Variants in EXT2 observed in about 807,000 individuals in gnomAD.
EXT2 encodes the protein exostosin-2.
A neutral mutation model predicts 81.6 loss-of-function variants in EXT2; 53 were observed. The ratio of observed to expected loss-of-function variants is 0.65; its 90% confidence interval spans 0.52 to 0.82. The LOEUF (loss-of-function observed/expected upper bound fraction) is 0.82. EXT2 is among the 40% of genes least tolerant of loss of function. The pLI, the probability that EXT2 is intolerant of heterozygous loss-of-function variation, is 0.00. For missense variants in EXT2, 774 were observed against 910.2 expected (o/e 0.85, Z 1.93); for synonymous variants, 320 against 340.0 (o/e 0.94, Z 0.65).
At chr11:44,112,608 C>T (rs1954161223) in intron 3 of EXT2, among the ~76,000 whole-genome samples, 1 of 152,146 alleles carries the variant, frequency 6.6e-6, no homozygotes, top group Admixed American at 6.5e-5. Context: ...AGTAGCAGGG[C>T]TGGCATGAGG....
rs1954081996 is a variant in EXT2 at position 44,107,948 on chromosome 11, A to G, written c.236A>G (p.Glu79Gly). The G allele has an allele frequency of 5.0e-6, 8 of 1,614,198 alleles. No homozygotes were observed. The highest frequency in any genetic ancestry group is 6.8e-6 in the Non-Finnish European group (8 of 1,180,028). Residue 79 changes from glutamate to glycine, a missense_variant, in exon 2 of 14, where the codon GAG (glutamate) becomes GGG (glycine). This residue lies in a region of EXT2 where 626 missense variants were observed against 670.5 expected (regional missense o/e 0.93). Transcript: ENST00000533608. ...VRLPADSPIPERGDLSCRMHT... is the reference protein window; with the variant it reads ...VRLPADSPIPGRGDLSCRMHT... ...CTGCCAGCCGACAGTCCCATCCCAG[A>G]GCGGGGGGATCTCAGTTGCAGAATG... is the stretch of plus-strand genomic sequence containing the variant.
In EXT2 at chr11:44,181,322, A is replaced by T. The variant is rs867476713; in HGVS notation, c.1305+9580A>T. Among the ~76,000 whole-genome samples the T allele has an allele frequency of 1.4e-4, 22 of 152,326 alleles. No homozygotes were observed. The Middle Eastern group carries it at 0.01, about 71-fold the overall frequency. On this transcript the variant is annotated intron_variant, in intron 8 of 13. Coordinates refer to ENST00000533608, the MANE Select transcript of EXT2 (RefSeq NM_207122.2). ...TCCTTCCTGGCAAATTCTGTGTTCT[A>T]AAATTTTATGATGATACGCCCTGAC...
Position 44,238,428 on chromosome 11 carries a change from C to T in EXT2, c.2018+2053C>T, listed in dbSNP as rs188996000. On this transcript the variant is annotated intron_variant, in intron 13 of 13. Coordinates refer to ENST00000533608, the MANE Select transcript of EXT2 (RefSeq NM_207122.2). ...AACTCCTGGCCTCAAGGTATCCTCT[C>T]GCCTGGGGCTCCCAAAGTGCTGGGA... is the stretch of plus-strand genomic sequence containing the variant. Among the ~76,000 whole-genome samples, 84 of 152,238 alleles carry T rather than the reference C, an allele frequency of 5.5e-4. 1 individual carries two copies. The East Asian group carries it at 0.012, about 21-fold the overall frequency.
At chr11:44,221,977 A>T (rs1955786519) in intron 10 of EXT2, among the ~76,000 whole-genome samples, 1 of 152,240 alleles carries the variant, frequency 6.6e-6, no homozygotes, top group African/African-American at 2.4e-5. Context: ...CTGTGAAACA[A>T]GTCTCTAGAA....
At chr11:44,218,777 T>A (rs574871716) in intron 10 of EXT2, among the ~76,000 whole-genome samples, 1 of 150,238 alleles carries the variant, frequency 6.7e-6, no homozygotes, top group Non-Finnish European at 1.5e-5. Flanking sequence ...AGTAAGAGAT[T>A]ATAGAATCTG....
At chr11:44,221,781 A>G (rs974869338) in intron 10 of EXT2, among the ~76,000 whole-genome samples, 1 of 152,198 alleles carries the variant, frequency 6.6e-6, no homozygotes, top group Non-Finnish European at 1.5e-5. Context: ...AAGCTCTATC[A>G]TTTCTCCTGA....
In EXT2 at chr11:44,248,854, G is replaced by T. The variant is rs1956116836; in HGVS notation, c.*4567G>T. Among the ~76,000 whole-genome samples the T allele has an allele frequency of 6.6e-6, 1 of 152,202 alleles. No individual in the cohort carries two copies. Among genetic ancestry groups the T allele is most frequent in the East Asian group, 1.9e-4 (1 of 5,178 alleles). On this transcript the variant is annotated 3_prime_UTR_variant, in exon 14 of 14. Transcript: ENST00000533608. Reference sequence around the variant, plus strand: ...TGGGAAGATGACCAGAGAAAGTTTGGCCCCCTCTCCCAAGCTTCCAGGCCT... The same window carrying T: ...TGGGAAGATGACCAGAGAAAGTTTGTCCCCCTCTCCCAAGCTTCCAGGCCT...
chr11:44,129,715 T>G (rs946287937), intron 6 of EXT2, among the ~76,000 whole-genome samples: 9 of 152,226 alleles, frequency 5.9e-5, no homozygotes, highest in African/African-American at 2.2e-4. Context: ...GGATTTCACA[T>G]GCAAAGGCCC....
intron 7 of EXT2, among the ~76,000 whole-genome samples, chr11:44,157,969 A>C (rs999387494): frequency 6.6e-5 from 10 of 151,982 alleles, no homozygotes; most frequent in Non-Finnish European, 1.5e-5. Context: ...CCTTCTCTTC[A>C]AGGGAGCAAG....
intron 7 of EXT2, among the ~76,000 whole-genome samples, chr11:44,144,915 T>C (rs1030398310): frequency 2.0e-4 from 30 of 152,214 alleles, no homozygotes; most frequent in Admixed American, 1.9e-3. Flanking sequence ...CAAGCATCTT[T>C]GGTGTCTGGG....
chr11:44,109,982 G>T (rs1270223463), intron 3 of EXT2, among the ~76,000 whole-genome samples: 6 of 152,102 alleles, frequency 3.9e-5, no homozygotes, highest in African/African-American at 9.7e-5. Flanking sequence ...CTTAGTGCTG[G>T]GTTCAAGGCT....
At position 44,108,184 on chromosome 11, in the gene EXT2, G is replaced by T. The variant is rs768999889; in HGVS notation, c.472G>T (p.Asp158Tyr). ...NRACLFVPSI[D>Y]VLNQNTLRIK... Reference sequence around the variant, plus strand: ...GGCCTGTCTGTTTGTTCCCTCCATCGATGTGCTTAACCAGAACACACTGCG... The same window carrying T: ...GGCCTGTCTGTTTGTTCCCTCCATCTATGTGCTTAACCAGAACACACTGCG... Residue 158 changes from aspartate to tyrosine, a missense_variant, in exon 2 of 14, where the codon GAT becomes TAT. By Grantham distance (160) the Asp-to-Tyr change is radical (BLOSUM62 -3). This residue lies in a region of EXT2 where 626 missense variants were observed against 670.5 expected (regional missense o/e 0.93). Transcript: ENST00000533608. 2 of 1,613,822 alleles carry T rather than the reference G, an allele frequency of 1.2e-6. No homozygotes were observed. The highest frequency in any genetic ancestry group is 3.3e-5 in the Admixed American group (2 of 60,022).
At chr11:44,225,347 T>G (rs1008247996) in intron 10 of EXT2, among the ~76,000 whole-genome samples, 1 of 152,234 alleles carries the variant, frequency 6.6e-6, no homozygotes, top group East Asian at 1.9e-4. Flanking sequence ...CTCACTAGTT[T>G]GCTGCACAGC....
At chr11:44,165,121 G>A (rs894943494) in intron 7 of EXT2, among the ~76,000 whole-genome samples, 6 of 151,830 alleles carry the variant, frequency 4.0e-5, no homozygotes, top group South Asian at 2.1e-4. Context: ...CTCGTGATCC[G>A]CCCGCCTCGG....
chr11:44,213,193 AAAG>A (rs966426031), intron 10 of EXT2, among the ~76,000 whole-genome samples: 4 of 152,192 alleles, frequency 2.6e-5, no homozygotes, highest in Non-Finnish European at 5.9e-5. Context: ...GAACCTAGAA[AAAG>A]AAGAGTAAAT....
chr11:44,154,029 A>G (rs1218372851), intron 7 of EXT2, among the ~76,000 whole-genome samples: 3 of 151,494 alleles, frequency 2.0e-5, no homozygotes, highest in Non-Finnish European at 4.4e-5. Context: ...GTAGGTATAT[A>G]TATTTATAGG....
intron 3 of EXT2, among the ~76,000 whole-genome samples, chr11:44,110,681 G>C (rs1954130129): frequency 6.6e-6 from 1 of 152,166 alleles, no homozygotes; most frequent in South Asian, 2.1e-4. Context: ...GCATCTGCAT[G>C]GGAGTTGGAT....
Position 44,244,773 on chromosome 11 carries a change from A to C in EXT2, c.*486A>C, listed in dbSNP as rs1366527108. On this transcript the variant is annotated 3_prime_UTR_variant, in exon 14 of 14. Coordinates refer to ENST00000533608, the MANE Select transcript of EXT2 (RefSeq NM_207122.2). The stretch of plus-strand genomic sequence containing the variant: ...AACCCAGAATTCGGTGCAAAAGCCA[A>C]ACATCTTGGTGGGATTTGATAAATG... 3 of 258,812 alleles carry C rather than the reference A, an allele frequency of 1.2e-5. No individual in the cohort carries two copies. Among genetic ancestry groups the C allele is most frequent in the African/African-American group, 2.2e-5 (1 of 46,078 alleles). The allele number at this position is 258,812 out of a possible 1,614,324, so 16.0% of individuals were successfully genotyped here.
intron 7 of EXT2, among the ~76,000 whole-genome samples, chr11:44,158,549 T>TTTAATTTTAATTAAATTAA (rs943663419): frequency 2.1e-5 from 3 of 142,854 alleles, no homozygotes; most frequent in African/African-American, 9.0e-5. Flanking sequence ...AATAAATTAA[T>TTTAATTTTAATTAAATTAA]TTAATTTTAA....
Sources: allele counts gnomAD v4.1 joint callset (sites outside exome capture counted in the v4.1 genomes callset), GRCh38; gene constraint gnomAD v4.1.1; regional missense constraint gnomAD v4.1.1; transcripts MANE v1.5; gene names NCBI Gene and HGNC (gene_info 2026-07-23, HGNC 2026-07-21).